Variants in UGT1A10 observed in about 807,000 individuals in gnomAD.
UGT1A10 encodes the protein UDP glucuronosyltransferase family 1 member A10, also known as UDP-glucuronosyltransferase 1A10.
A neutral mutation model predicts 45.8 loss-of-function variants in UGT1A10; 49 were observed. The observed-to-expected ratio is 1.07, with a 90% CI of 0.85 to 1.36. UGT1A10 has a LOEUF of 1.36. UGT1A10 is among the 40% of genes most tolerant of loss of function. The probability of loss-of-function intolerance (pLI) is 0.00; values close to 1 mark genes in which losing one functional copy is unlikely to be tolerated. For synonymous variants in UGT1A10, 284 were observed against 249.7 expected (o/e 1.14, Z -1.29); for missense variants, 745 against 668.6 (o/e 1.11, Z -1.26).
intron 1 of UGT1A10, among the ~76,000 whole-genome samples, chr2:233,657,996 A>G (rs1382205292): frequency 6.7e-6 from 1 of 148,266 alleles, no homozygotes; most frequent in Non-Finnish European, 1.5e-5. Flanking sequence ...GAATTTTCAT[A>G]TCCTGTGCCT....
chr2:233,769,821 C>T lies in UGT1A10; in HGVS notation c.1295+1382C>T, dbSNP rs1699946575. 1.3e-6 allele frequency: 1 copy of T among 784,900 alleles called. No homozygotes were observed. 48.6% of individuals were successfully genotyped at this position (784,900 alleles called of 1,614,324 possible). A position where few individuals can be genotyped will look rare whatever the true frequency, so the allele number is the denominator to read the frequency against. The stretch of plus-strand genomic sequence containing the variant: ...TATGAGCCGTGATCATGCCACTGCA[C>T]TCCAGCAACCTGGGCAACAGAGTGA... On this transcript the variant is annotated intron_variant, in intron 4 of 4. Transcript: ENST00000344644. The surrounding 1 kb of genome is among the most constrained non-coding windows in gnomAD (Gnocchi z 4.4).
intron 1 of UGT1A10, among the ~76,000 whole-genome samples, chr2:233,671,297 G>T (rs1282549359): frequency 6.6e-6 from 1 of 152,274 alleles, no homozygotes; most frequent in East Asian, 1.9e-4. Context: ...AATAGGAGAC[G>T]GTTACTTTCC....
At chr2:233,666,521 C>T (rs570279515) in intron 1 of UGT1A10, among the ~76,000 whole-genome samples, 1 of 152,136 alleles carries the variant, frequency 6.6e-6, no homozygotes, top group South Asian at 2.1e-4. Context: ...AATCTTTGCT[C>T]ATTAAAAAAC....
At chr2:233,765,693 AAATAATAATAATAATAATT>A (rs1698909746) in intron 1 of UGT1A10, among the ~76,000 whole-genome samples, 1 of 147,312 alleles carries the variant, frequency 6.8e-6, no homozygotes, top group East Asian at 2.0e-4. Flanking sequence ...AACTTCAAGT[AAATAATAATAATAATAATT>A]AATAATAATA....
At chr2:233,640,665 G>A (rs867099055) in intron 1 of UGT1A10, among the ~76,000 whole-genome samples, 1 of 152,110 alleles carries the variant, frequency 6.6e-6, no homozygotes, top group African/African-American at 2.4e-5. Flanking sequence ...TGCAAATGCT[G>A]TTCTTCCATA....
At chr2:233,694,906 C>T (rs536764426) in intron 1 of UGT1A10, among the ~76,000 whole-genome samples, 2 of 152,312 alleles carry the variant, frequency 1.3e-5, no homozygotes, top group South Asian at 2.1e-4. Context: ...TTTTGATACA[C>T]GTATACAATG....
intron 1 of UGT1A10, among the ~76,000 whole-genome samples, chr2:233,732,958 C>G (rs75520741): frequency 0.048 from 7,267 of 152,142 alleles, 252 homozygotes; most frequent in East Asian, 0.16. Flanking sequence ...AATGTTCTTC[C>G]ATTTGTTTGT....
intron 1 of UGT1A10, among the ~76,000 whole-genome samples, chr2:233,640,657 C>T (rs991222483): frequency 6.6e-6 from 1 of 152,098 alleles, no homozygotes; most frequent in African/African-American, 2.4e-5. Context: ...TTTTAGGCTG[C>T]AAATGCTGTT....
chr2:233,734,392 G>A (rs570744266), intron 1 of UGT1A10, among the ~76,000 whole-genome samples: 1 of 151,992 alleles, frequency 6.6e-6, no homozygotes, highest in Non-Finnish European at 1.5e-5. Context: ...ATTTTTTATT[G>A]CGTCTATTTG....
intron 1 of UGT1A10, chr2:233,743,449 G>C (rs771301493): frequency 7.3e-7 from 1 of 1,365,064 alleles, no homozygotes; most frequent in South Asian, 1.1e-5. Flanking sequence ...TGTATCAAAA[G>C]AAGAAAAAAC....
intron 1 of UGT1A10, among the ~76,000 whole-genome samples, chr2:233,715,912 C>G (rs2076476989): frequency 6.6e-6 from 1 of 152,186 alleles, no homozygotes; most frequent in African/African-American, 2.4e-5. Flanking sequence ...GTGGGAGGAT[C>G]ATTGAGCTCA....
chr2:233,652,776 G>T (rs1241807585), intron 1 of UGT1A10, among the ~76,000 whole-genome samples: 6 of 152,198 alleles, frequency 3.9e-5, no homozygotes, highest in African/African-American at 1.2e-4. Flanking sequence ...ACATGCAAAA[G>T]AATGAAGATG....
chr2:233,694,550 A>C lies in UGT1A10; in HGVS notation c.855+57173A>C, dbSNP rs45573037. Among the ~76,000 whole-genome samples, 1,290 of 152,304 alleles carry C rather than the reference A, an allele frequency of 8.5e-3. 9 individuals carry two copies. Among genetic ancestry groups the C allele is most frequent in the Middle Eastern group, 0.024 (7 of 294 alleles). ...GCCCAGAGTTACTTTGGAAAATAAA[A>C]ATCTGTGAGTTTTAAATTTCAATGT... On this transcript the variant is annotated intron_variant, in intron 1 of 4. Transcript: ENST00000344644.
intron 1 of UGT1A10, among the ~76,000 whole-genome samples, chr2:233,720,075 T>G (rs1197503417): frequency 1.3e-5 from 2 of 152,302 alleles, no homozygotes; most frequent in Middle Eastern, 3.4e-3. Context: ...ATTAGAATTG[T>G]GGACATGATA....
chr2:233,729,045 G>T lies in UGT1A10; in HGVS notation c.856-37989G>T. 4.4e-6 allele frequency: 7 copies of T among 1,607,648 alleles called. No homozygotes were observed. In the South Asian group the frequency reaches 7.8e-5, roughly 18 times the overall value. ...ACGTTGATTTGCTAAGTGGCTCAGT[G>T]ACAAGGTAATTAAGATGAAGAAAGC... On this transcript the variant is annotated intron_variant, in intron 1 of 4. Transcript: ENST00000344644.
chr2:233,642,896 C>T (rs1264221149), intron 1 of UGT1A10, among the ~76,000 whole-genome samples: 1 of 152,150 alleles, frequency 6.6e-6, no homozygotes, highest in Non-Finnish European at 1.5e-5. Context: ...CACTCTCTCT[C>T]TCTCTCTCTG....
chr2:233,714,809 G>A (rs545646081), intron 1 of UGT1A10, among the ~76,000 whole-genome samples: 102 of 152,292 alleles, frequency 6.7e-4, no homozygotes, highest in Middle Eastern at 3.4e-3. Context: ...ATATTCATAT[G>A]TAGTTAGTGA....
intron 1 of UGT1A10, among the ~76,000 whole-genome samples, chr2:233,638,234 AG>A (rs1559319476): frequency 6.6e-6 from 1 of 152,168 alleles, no homozygotes; most frequent in Non-Finnish European, 1.5e-5. Context: ...TCACTATATA[AG>A]CATTTTATGT....
At chr2:233,682,690 G>A (rs376167596) in intron 1 of UGT1A10, 10 of 1,613,696 alleles carry the variant, frequency 6.2e-6, no homozygotes, top group African/African-American at 2.7e-5. Flanking sequence ...CATCAATTTG[G>A]TTGTTGCGAA....
Sources: allele counts gnomAD v4.1 joint callset (sites outside exome capture counted in the v4.1 genomes callset), GRCh38; gene constraint gnomAD v4.1.1; non-coding constraint Gnocchi (gnomAD v3.1); transcripts MANE v1.5; gene names NCBI Gene and HGNC (gene_info 2026-07-23, HGNC 2026-07-21).